Variants in SGCZ observed in about 807,000 individuals in gnomAD.
SGCZ encodes zeta-sarcoglycan.
Under a neutral mutation model 41.3 loss-of-function variants are expected in SGCZ, and 40 were observed. That is an observed-to-expected ratio of 0.97 (90% confidence interval 0.75 to 1.26). The LOEUF is 1.26. Among genes scored for constraint, SGCZ ranks in the 50% most tolerant of loss-of-function variants. The probability of loss-of-function intolerance (pLI) is 0.00; values close to 1 mark genes in which losing one functional copy is unlikely to be tolerated. For missense variants in SGCZ, 552 were observed against 369.8 expected (o/e 1.49, Z -4.04); for synonymous variants, 206 against 137.5 (o/e 1.50, Z -3.49).
intron 2 of SGCZ, among the ~76,000 whole-genome samples, chr8:14,423,625 G>C (rs1799696106): frequency 6.6e-6 from 1 of 152,102 alleles, no homozygotes; most frequent in South Asian, 2.1e-4. Flanking sequence ...CGTTGATCAG[G>C]TTGGTCGCGA....
intron 1 of SGCZ, among the ~76,000 whole-genome samples, chr8:14,809,679 T>C (rs955116740): frequency 6.6e-6 from 1 of 152,114 alleles, no homozygotes; most frequent in Non-Finnish European, 1.5e-5. Flanking sequence ...AATTCATGCA[T>C]CTATAATTTA....
At chr8:15,126,323 T>G (rs268436) in intron 1 of SGCZ, among the ~76,000 whole-genome samples, 32,134 of 152,144 alleles carry the variant, frequency 0.21, 4,159 homozygotes, top group African/African-American at 0.37. Context: ...TTAGGAATAG[T>G]GTCCAAATGC....
chr8:14,913,489 A>T (rs1379472696), intron 1 of SGCZ, among the ~76,000 whole-genome samples: 1 of 152,072 alleles, frequency 6.6e-6, no homozygotes, highest in Admixed American at 6.6e-5. Flanking sequence ...TTAAAGCATA[A>T]TATCTTTGTT....
In SGCZ at chr8:15,048,330, T is replaced by A. The variant is rs532252509; in HGVS notation, c.39+189255A>T. ...GATGGTTACCAGAGGCTGGAAAGAA[T>A]AGGAGGAAGAAGAAGATGAAGAGAG... On this transcript the variant is annotated intron_variant, in intron 1 of 7. Coordinates refer to ENST00000382080, the MANE Select transcript of SGCZ (RefSeq NM_139167.4). 3.0e-4 allele frequency among the ~76,000 whole-genome samples: 45 copies of A among 151,892 alleles called. No homozygotes were observed. The South Asian group carries it at 6.0e-3, about 20-fold the overall frequency.
intron 2 of SGCZ, among the ~76,000 whole-genome samples, chr8:14,330,583 T>C (rs1234045504): frequency 6.6e-6 from 1 of 151,944 alleles, no homozygotes; most frequent in Non-Finnish European, 1.5e-5. Flanking sequence ...AAGTGACTGT[T>C]TAAATTTTAA....
chr8:14,329,082 A>G (rs1037229740), intron 2 of SGCZ, among the ~76,000 whole-genome samples: 2 of 152,020 alleles, frequency 1.3e-5, no homozygotes, highest in African/African-American at 4.8e-5. Context: ...CTTCTAAATT[A>G]CCTAGTCTCC....
intron 7 of SGCZ, among the ~76,000 whole-genome samples, chr8:14,101,513 C>CAAAGT (rs1361113103): frequency 7.9e-5 from 12 of 152,048 alleles, no homozygotes; most frequent in African/African-American, 2.9e-4. Flanking sequence ...ACATCAATGA[C>CAAAGT]AAAGTATTAT....
At chr8:14,489,884 T>G (rs1801793781) in intron 2 of SGCZ, among the ~76,000 whole-genome samples, 1 of 148,016 alleles carries the variant, frequency 6.8e-6, no homozygotes, top group South Asian at 2.2e-4. Flanking sequence ...TTTTTTTTCC[T>G]GAGATGGAGT....
At chr8:15,118,008 G>A (rs1807335128) in intron 1 of SGCZ, among the ~76,000 whole-genome samples, 1 of 152,170 alleles carries the variant, frequency 6.6e-6, no homozygotes, top group African/African-American at 2.4e-5. Context: ...AATCTCTGCT[G>A]AATTATCATG....
intron 1 of SGCZ, among the ~76,000 whole-genome samples, chr8:15,097,815 CGTGT>C (rs759275489): frequency 0.021 from 1,555 of 74,340 alleles, 73 homozygotes; most frequent in African/African-American, 0.062. Flanking sequence ...TATATATATA[CGTGT>C]GTGTATATAT....
intron 1 of SGCZ, among the ~76,000 whole-genome samples, chr8:15,172,288 A>T (rs1462800396): frequency 6.8e-6 from 1 of 147,110 alleles, no homozygotes; most frequent in Non-Finnish European, 1.5e-5. Flanking sequence ...CAGCCTCCCG[A>T]GTAGCTGGGA....
In SGCZ at chr8:15,104,041, G is replaced by C. The variant is rs144908644; in HGVS notation, c.39+133544C>G. Among the ~76,000 whole-genome samples, 49 of 152,250 alleles carry C rather than the reference G, an allele frequency of 3.2e-4. No individual in the cohort carries two copies. In the East Asian group the frequency reaches 8.9e-3, roughly 28 times the overall value. ...CATTTTCATGATTCTCCCAAATCTA[G>C]ACAACCATATTTGATGCCCAAACGA... On this transcript the variant is annotated intron_variant, in intron 1 of 7. Coordinates refer to ENST00000382080, the MANE Select transcript of SGCZ (RefSeq NM_139167.4).
chr8:14,553,003 C>T (rs927481028), intron 2 of SGCZ, among the ~76,000 whole-genome samples: 2 of 151,890 alleles, frequency 1.3e-5, no homozygotes, highest in African/African-American at 4.8e-5. Flanking sequence ...TGCTTTACCT[C>T]TTTTATAATA....
At chr8:15,031,945 C>G (rs1352792487) in intron 1 of SGCZ, among the ~76,000 whole-genome samples, 2 of 148,940 alleles carry the variant, frequency 1.3e-5, no homozygotes, top group Non-Finnish European at 1.5e-5. Flanking sequence ...CTCTGTCTGT[C>G]TGTCTATATA....
intron 2 of SGCZ, among the ~76,000 whole-genome samples, chr8:14,350,572 G>A (rs1029788588): frequency 6.6e-6 from 1 of 152,006 alleles, no homozygotes; most frequent in Non-Finnish European, 1.5e-5. Context: ...CCAGTGACCG[G>A]TACATACAGA....
At chr8:14,310,002 T>G (rs1440041059) in intron 3 of SGCZ, among the ~76,000 whole-genome samples, 1 of 152,024 alleles carries the variant, frequency 6.6e-6, no homozygotes, top group Non-Finnish European at 1.5e-5. Context: ...CCATCCACAA[T>G]AGTCAAAAAA....
intron 2 of SGCZ, among the ~76,000 whole-genome samples, chr8:14,439,043 G>A (rs1253154373): frequency 6.6e-6 from 1 of 151,928 alleles, no homozygotes; most frequent in South Asian, 2.1e-4. Flanking sequence ...GTTTATTACA[G>A]ATGCCAAGTA....
chr8:14,551,489 TTA>T lies in SGCZ; in HGVS notation c.234+3241_234+3242del, dbSNP rs1563404257. Among the ~76,000 whole-genome samples, 13 of 6,254 alleles carry T rather than the reference TTA, an allele frequency of 2.1e-3. 1 individual carries two copies. Among genetic ancestry groups the T allele is most frequent in the Middle Eastern group, 0.12 (1 of 8 alleles). 4.1% of individuals were successfully genotyped at this position (6,254 alleles called of 152,430 possible). On this transcript the variant is annotated intron_variant, in intron 2 of 7. Coordinates refer to ENST00000382080, the MANE Select transcript of SGCZ (RefSeq NM_139167.4). ...TTATATATATTATATATTATATATA[TTA>T]TATATATTATATATATTATATATAT...
chr8:14,541,891 G>A lies in SGCZ; in HGVS notation c.234+12841C>T, dbSNP rs193090217. Among the ~76,000 whole-genome samples, 17 of 152,230 alleles carry A rather than the reference G, an allele frequency of 1.1e-4. No homozygotes were observed. In the East Asian group the frequency reaches 1.9e-3, roughly 17 times the overall value. ...ATTTTCCAATGACCAGTGATGATGA[G>A]CTTTTTTCCATATGTTTGTTGGCCA... On this transcript the variant is annotated intron_variant, in intron 2 of 7. Transcript: ENST00000382080.
Sources: gnomAD v4.1 joint callset for allele counts (sites outside exome capture counted in the v4.1 genomes callset) on GRCh38, gnomAD v4.1.1 for gene constraint, MANE v1.5 for transcripts, NCBI Gene and HGNC (gene_info 2026-07-23, HGNC 2026-07-21) for gene names.